XYLT1: variants seen among roughly 807,000 people sequenced by gnomAD.
XYLT1 encodes xylosyltransferase 1.
In XYLT1, 36 loss-of-function variants were observed where a neutral mutation model predicts 91.3. The ratio of observed to expected loss-of-function variants is 0.39; its 90% CI spans 0.30 to 0.52. The LOEUF is 0.52. Ranked by LOEUF, XYLT1 falls within the 20% of genes least tolerant of loss-of-function variation. XYLT1 has a pLI of 0.68. For missense variants in XYLT1, 1,242 were observed against 1,284.5 expected, an observed-to-expected ratio of 0.97 and a Z score of 0.51; for synonymous variants, 588 against 532.0, an observed-to-expected ratio of 1.11 and a Z score of -1.45.
At chr16:17,131,206 A>T (rs1467176719) in intron 9 of XYLT1, among the ~76,000 whole-genome samples, 2 of 121,440 alleles carry the variant, frequency 1.6e-5, no homozygotes, top group Admixed American at 1.9e-4. Flanking sequence ...AGTTACATCT[A>T]CAGTCCCTGT....
At chr16:17,156,234 G>C (rs2031404307) in intron 6 of XYLT1, among the ~76,000 whole-genome samples, 1 of 152,192 alleles carries the variant, frequency 6.6e-6, no homozygotes, top group Non-Finnish European at 1.5e-5. Flanking sequence ...GCTATACTCA[G>C]TTCCTAGCAC....
chr16:17,326,868 A>G (rs536274826), intron 2 of XYLT1, among the ~76,000 whole-genome samples: 17 of 152,170 alleles, frequency 1.1e-4, no homozygotes, highest in African/African-American at 3.9e-4. Context: ...AACAAAAAAA[A>G]CACACAGGAC....
intron 2 of XYLT1, among the ~76,000 whole-genome samples, chr16:17,318,699 G>A (rs1052653366): frequency 4.0e-5 from 6 of 151,818 alleles, no homozygotes; most frequent in South Asian, 4.2e-4. Flanking sequence ...CACTCAAGAC[G>A]ATGCAGAGAA....
intron 1 of XYLT1, among the ~76,000 whole-genome samples, chr16:17,464,476 A>G (rs188499474): frequency 1.7e-3 from 220 of 132,890 alleles, no homozygotes; most frequent in Non-Finnish European, 2.3e-3. Flanking sequence ...CGGGCAACAG[A>G]GCAAAACTGT....
At chr16:17,193,386 A>T (rs2032360633) in intron 5 of XYLT1, 1 of 152,192 alleles carries the variant, frequency 6.6e-6, no homozygotes. Flanking sequence ...AAGTTGAAGC[A>T]ACTTGCCCAG....
In XYLT1 at chr16:17,337,775, C is replaced by T. The variant is rs112478478; in HGVS notation, c.402+20237G>A. Among the ~76,000 whole-genome samples, 401 of 114,122 alleles carry T rather than the reference C, an allele frequency of 3.5e-3. 9 individuals carry two copies. The highest frequency in any genetic ancestry group is 4.0e-3 in the African/African-American group (95 of 23,776). The allele number at this position is 114,122 out of a possible 152,430, so 74.9% of individuals were successfully genotyped here. A position where few individuals can be genotyped will look rare whatever the true frequency, so the allele number is the denominator to read the frequency against. On this transcript the variant is annotated intron_variant, in intron 2 of 11. Transcript: ENST00000261381. Reference sequence around the variant, plus strand: ...CTACTTTGTCTGTTCCACATTTTTTCTTTTTCTTTTTTTTTTTTTTTGTGA... The same window carrying T: ...CTACTTTGTCTGTTCCACATTTTTTTTTTTTCTTTTTTTTTTTTTTTGTGA...
At position 17,407,024 on chromosome 16, in the gene XYLT1, CAG is replaced by C. The variant is rs370734235; in HGVS notation, c.364-48976_364-48975del. Among the ~76,000 whole-genome samples, 771 of 152,118 alleles carry C rather than the reference CAG, an allele frequency of 5.1e-3. 3 individuals are homozygous for C. The highest frequency in any genetic ancestry group is 0.017 in the African/African-American group (726 of 41,508). On this transcript the variant is annotated intron_variant, in intron 1 of 11. Coordinates refer to ENST00000261381, the MANE Select transcript of XYLT1 (RefSeq NM_022166.4). ...ATTTTTTAATTTAATTTTTTTGAGA[CAG>C]AGTCTTGCTCTGTCACCCAGGCTGG...
intron 2 of XYLT1, among the ~76,000 whole-genome samples, chr16:17,286,595 A>C (rs937891905): frequency 1.3e-5 from 2 of 152,206 alleles, no homozygotes; most frequent in South Asian, 4.1e-4. Context: ...AGCCACACTT[A>C]GGCACATTAC....
intron 1 of XYLT1, among the ~76,000 whole-genome samples, chr16:17,445,549 G>C (rs551569377): frequency 6.6e-6 from 1 of 152,300 alleles, no homozygotes; most frequent in South Asian, 2.1e-4. Flanking sequence ...GCTCACCTGG[G>C]CTGCGTGGAG....
chr16:17,465,556 T>TGGGGG (rs68156050), intron 1 of XYLT1, among the ~76,000 whole-genome samples: 7 of 101,200 alleles, frequency 6.9e-5, no homozygotes, highest in Non-Finnish European at 9.5e-5. Context: ...TGTTTTTTTT[T>TGGGGG]GGGGGGGGGG....
intron 1 of XYLT1, among the ~76,000 whole-genome samples, chr16:17,456,605 C>T (rs185201857): frequency 5.3e-5 from 8 of 152,226 alleles, no homozygotes; most frequent in South Asian, 2.1e-4. Flanking sequence ...CCTCCCAAAG[C>T]GCTGGGATTA....
At chr16:17,207,860 T>C (rs1424456255) in intron 3 of XYLT1, among the ~76,000 whole-genome samples, 1 of 152,022 alleles carries the variant, frequency 6.6e-6, no homozygotes, top group African/African-American at 2.4e-5. Context: ...TGAAAGAACA[T>C]AGGTCCAAGG....
At chr16:17,459,037 G>A (rs201521030) in intron 1 of XYLT1, among the ~76,000 whole-genome samples, 1 of 152,088 alleles carries the variant, frequency 6.6e-6, no homozygotes, top group East Asian at 1.9e-4. Flanking sequence ...TGTATCATAT[G>A]GTTTTGTTGG....
chr16:17,136,103 A>G (rs994745584), intron 8 of XYLT1, among the ~76,000 whole-genome samples: 6 of 152,196 alleles, frequency 3.9e-5, no homozygotes. Context: ...ACAACTACTG[A>G]CCACACACAA....
chr16:17,442,268 T>C (rs2036540796), intron 1 of XYLT1, among the ~76,000 whole-genome samples: 4 of 152,218 alleles, frequency 2.6e-5, no homozygotes, highest in Admixed American at 2.6e-4. Context: ...GTGTGTCTCA[T>C]ATACATCCCA....
chr16:17,338,264 G>T (rs775500745), intron 2 of XYLT1: 6 of 456,338 alleles, frequency 1.3e-5, no homozygotes, highest in Non-Finnish European at 2.2e-5. Flanking sequence ...CTTGGACCAT[G>T]CTCTTCTGCT....
At chr16:17,147,954 T>C (rs2031179831) in intron 6 of XYLT1, among the ~76,000 whole-genome samples, 1 of 152,204 alleles carries the variant, frequency 6.6e-6, no homozygotes, top group Non-Finnish European at 1.5e-5. Context: ...TGATACGCTC[T>C]TCCTTTTCAT....
rs184116712 is a variant in XYLT1 at position 17,380,113 on chromosome 16, C to A, written c.364-22063G>T. ...GACCAGCCTGGCCAACATGGTGAAACCCCATCTCTACTAAAAACACAAAAA... is the reference window on the plus strand; with the variant it reads ...GACCAGCCTGGCCAACATGGTGAAAACCCATCTCTACTAAAAACACAAAAA... On this transcript the variant is annotated intron_variant, in intron 1 of 11. Coordinates refer to ENST00000261381, the MANE Select transcript of XYLT1 (RefSeq NM_022166.4). 4.3e-3 allele frequency among the ~76,000 whole-genome samples: 647 copies of A among 152,024 alleles called. 5 individuals are homozygous for A. The highest frequency in any genetic ancestry group is 0.015 in the African/African-American group (629 of 41,456).
chr16:17,293,526 G>T (rs1337867613), intron 2 of XYLT1, among the ~76,000 whole-genome samples: 2 of 124,624 alleles, frequency 1.6e-5, no homozygotes, highest in African/African-American at 3.0e-5. Context: ...TTGAGACTGA[G>T]TCTCCTTCTG....
Sources: allele counts gnomAD v4.1 joint callset (sites outside exome capture counted in the v4.1 genomes callset), GRCh38; gene constraint gnomAD v4.1.1; transcripts MANE v1.5; gene names NCBI Gene and HGNC (gene_info 2026-07-23, HGNC 2026-07-21).